NEGR1: variants seen among roughly 807,000 people sequenced by gnomAD.
The protein encoded by NEGR1 is neuronal growth regulator 1, also known as IgLON family member 4.
NEGR1 carries 10 observed loss-of-function variants against 40.9 expected under a neutral mutation model. The ratio of observed to expected loss-of-function variants is 0.24; its 90% CI spans 0.15 to 0.42. NEGR1 has a LOEUF of 0.42. Among genes scored for constraint, NEGR1 ranks in the 10% least tolerant of loss-of-function variants. NEGR1 has a pLI of 1.00. For synonymous variants in NEGR1, 185 were observed against 166.8 expected (o/e 1.11, Z -0.84); for missense variants, 352 against 438.9 (o/e 0.80, Z 1.77).
intron 4 of NEGR1, among the ~76,000 whole-genome samples, chr1:71,669,044 G>A (rs994149570): frequency 6.6e-6 from 1 of 152,008 alleles, no homozygotes; most frequent in African/African-American, 2.4e-5. Context: ...ATCAATTTAT[G>A]CTTTATATAT....
intron 5 of NEGR1, among the ~76,000 whole-genome samples, chr1:71,604,978 G>A (rs1446318897): frequency 2.0e-5 from 3 of 151,934 alleles, no homozygotes; most frequent in East Asian, 1.9e-4. Flanking sequence ...CTAGTATATC[G>A]ATAATTTTAA....
chr1:71,717,085 C>T (rs904902299), intron 3 of NEGR1, among the ~76,000 whole-genome samples: 2 of 152,174 alleles, frequency 1.3e-5, no homozygotes, highest in Non-Finnish European at 2.9e-5. Context: ...GAATTCATTA[C>T]TAGCAATGTA....
chr1:71,841,012 T>C (rs1183441104), intron 2 of NEGR1, among the ~76,000 whole-genome samples: 4 of 152,114 alleles, frequency 2.6e-5, no homozygotes, highest in African/African-American at 9.7e-5. Flanking sequence ...CTTGAAGATT[T>C]TGGACTTGCC....
chr1:71,507,740 C>G (rs764634167), intron 6 of NEGR1, among the ~76,000 whole-genome samples: 58 of 152,166 alleles, frequency 3.8e-4, no homozygotes, highest in African/African-American at 1.3e-3. Flanking sequence ...TTGGAAAATG[C>G]GAGCCACTTT....
At chr1:72,234,503 T>C (rs1259677951) in intron 1 of NEGR1, among the ~76,000 whole-genome samples, 1 of 151,968 alleles carries the variant, frequency 6.6e-6, no homozygotes, top group Non-Finnish European at 1.5e-5. Flanking sequence ...AACTTACAGA[T>C]GGGAGAAAAT....
chr1:72,114,372 C>T (rs1173614696), intron 1 of NEGR1, among the ~76,000 whole-genome samples: 1 of 151,674 alleles, frequency 6.6e-6, no homozygotes, highest in Non-Finnish European at 1.5e-5. Context: ...AATTGCCTAT[C>T]CTGTAGATAT....
intron 1 of NEGR1, among the ~76,000 whole-genome samples, chr1:72,119,918 G>A (rs1300756994): frequency 6.6e-6 from 1 of 151,970 alleles, no homozygotes; most frequent in Non-Finnish European, 1.5e-5. Context: ...GGTTATGCTG[G>A]AAGAGACAAG....
At position 71,965,114 on chromosome 1, in the gene NEGR1, G is replaced by T. The variant is rs1286790669; in HGVS notation, c.177-29803C>A. ...TCCTTCTTTGATAAAATAATCGAGG[G>T]TCACACAAATAGTTACTTTGCAATG... On this transcript the variant is annotated intron_variant, in intron 1 of 6. Coordinates refer to ENST00000357731, the MANE Select transcript of NEGR1 (RefSeq NM_173808.3). 2.0e-5 allele frequency among the ~76,000 whole-genome samples: 3 copies of T among 152,060 alleles called. No homozygotes were observed. The South Asian group carries it at 6.2e-4, about 31-fold the overall frequency.
In NEGR1 at chr1:71,762,485, GA is replaced by G. The variant is rs530606709; in HGVS notation, c.535+13686del. ...GCCTGAAAAATAAAAAGATGGAAAA[GA>G]AACATGATTGTTCATAGCAGCTTTA... On this transcript the variant is annotated intron_variant, in intron 3 of 6. Coordinates refer to ENST00000357731, the MANE Select transcript of NEGR1 (RefSeq NM_173808.3). Among the ~76,000 whole-genome samples, 53 of 152,014 alleles carry G rather than the reference GA, an allele frequency of 3.5e-4. No homozygotes were observed. The East Asian group carries it at 9.7e-3, about 28-fold the overall frequency.
intron 1 of NEGR1, among the ~76,000 whole-genome samples, chr1:72,274,222 A>T (rs1841497): frequency 0.23 from 35,031 of 151,916 alleles, 4,899 homozygotes; most frequent in Non-Finnish European, 0.31. Context: ...TTAAAACACC[A>T]CATACAGGCT....
At chr1:72,039,021 G>A (rs1406226433) in intron 1 of NEGR1, among the ~76,000 whole-genome samples, 1 of 151,976 alleles carries the variant, frequency 6.6e-6, no homozygotes, top group Non-Finnish European at 1.5e-5. Context: ...AGTAGAAGCT[G>A]ACTTGGATTT....
At chr1:72,173,199 G>A (rs1023416884) in intron 1 of NEGR1, among the ~76,000 whole-genome samples, 6 of 150,402 alleles carry the variant, frequency 4.0e-5, no homozygotes, top group African/African-American at 1.5e-4. Context: ...ATAGAGACAG[G>A]GTTTTGCCAT....
intron 5 of NEGR1, among the ~76,000 whole-genome samples, chr1:71,594,640 A>C (rs578063673): frequency 6.6e-6 from 1 of 152,366 alleles, no homozygotes; most frequent in Non-Finnish European, 1.5e-5. Context: ...GGCATAAAAT[A>C]TCATGGATAT....
intron 2 of NEGR1, among the ~76,000 whole-genome samples, chr1:71,910,789 G>A (rs566023570): frequency 6.6e-5 from 10 of 152,008 alleles, no homozygotes; most frequent in East Asian, 3.9e-4. Context: ...CCTCGGCTTC[G>A]CAGGCTCAGG....
At chr1:71,409,008 C>A (rs949599074) in intron 6 of NEGR1, 6 of 151,942 alleles carry the variant, frequency 3.9e-5, no homozygotes, top group Admixed American at 2.6e-4. Flanking sequence ...ATTATTGATT[C>A]CAGGTGAGTG....
chr1:71,662,787 CTT>C (rs1175479077), intron 4 of NEGR1, among the ~76,000 whole-genome samples: 1 of 151,654 alleles, frequency 6.6e-6, no homozygotes, highest in Non-Finnish European at 1.5e-5. Flanking sequence ...TCATAGATGA[CTT>C]TTAAAAATGT....
At chr1:71,439,446 T>C (rs976858945) in intron 6 of NEGR1, among the ~76,000 whole-genome samples, 18 of 152,180 alleles carry the variant, frequency 1.2e-4, no homozygotes, top group African/African-American at 4.3e-4. Context: ...CACTGCAACC[T>C]CTGCCTTCTG....
rs1451199787 is a variant in NEGR1, at chr1:71,527,973, A to G, written c.940+64844T>C. Among the ~76,000 whole-genome samples the G allele has an allele frequency of 2.0e-5, 3 of 151,328 alleles. No individual in the cohort carries two copies. The Admixed American group carries it at 2.0e-4, about 10-fold the overall frequency. ...AAATGATGAAAGTTAGACACAACCC[A>G]ATGTAAAGCAAACAGTGTTACGTAG... On this transcript the variant is annotated intron_variant, in intron 6 of 6. Transcript: ENST00000357731.
At chr1:72,251,252 T>G (rs2100530420) in intron 1 of NEGR1, among the ~76,000 whole-genome samples, 1 of 152,328 alleles carries the variant, frequency 6.6e-6, no homozygotes, top group East Asian at 1.9e-4. Context: ...CACCATGTAT[T>G]TTTCTTTAGT....
Sources: allele counts gnomAD v4.1 joint callset (sites outside exome capture counted in the v4.1 genomes callset), GRCh38; gene constraint gnomAD v4.1.1; transcripts MANE v1.5; gene names NCBI Gene and HGNC (gene_info 2026-07-23, HGNC 2026-07-21).